Variants in TBC1D10A observed in about 807,000 individuals in gnomAD.
The protein encoded by TBC1D10A is EBP50-PDX interactor of 64 kDa.
A neutral mutation model predicts 52.9 loss-of-function variants in TBC1D10A; 24 were observed. The ratio of observed to expected loss-of-function variants is 0.45; its 90% CI spans 0.33 to 0.64. TBC1D10A has a LOEUF of 0.64. Among genes scored for constraint, TBC1D10A ranks in the 30% least tolerant of loss-of-function variants. The pLI is 0.02. For synonymous variants in TBC1D10A, 278 were observed against 282.9 expected, an observed-to-expected ratio of 0.98 and a Z score of 0.17; for missense variants, 602 against 687.9, an observed-to-expected ratio of 0.88 and a Z score of 1.40.
At chr22:30,313,636 C>T (rs1467484182) in intron 1 of TBC1D10A, among the ~76,000 whole-genome samples, 2 of 130,334 alleles carry the variant, frequency 1.5e-5, no homozygotes, top group African/African-American at 5.8e-5. Flanking sequence ...CTCCTGACCT[C>T]ATGATCCACC....
At position 30,313,550 on chromosome 22, in the gene TBC1D10A, A is replaced by ATTTTTTT. The variant is rs35640957; in HGVS notation, c.210-8927_210-8921dup. Reference sequence around the variant, plus strand: ...AGGTGTGCGCCACCACGGCCAGCTAATTTTTTTTTTTTTTTTTTTTTTTTT... The same window carrying ATTTTTTT: ...AGGTGTGCGCCACCACGGCCAGCTAATTTTTTTTTTTTTTTTTTTTTTTTTTTTTTTT... On this transcript the variant is annotated intron_variant, in intron 1 of 8. Coordinates refer to ENST00000215790, the MANE Select transcript of TBC1D10A (RefSeq NM_031937.3). Among the ~76,000 whole-genome samples, 81 of 42,208 alleles carry ATTTTTTT rather than the reference A, an allele frequency of 1.9e-3. 2 individuals carry two copies. Among genetic ancestry groups the ATTTTTTT allele is most frequent in the South Asian group, 9.3e-3 (6 of 642 alleles). 27.7% of individuals were successfully genotyped at this position (42,208 alleles called of 152,430 possible).
At chr22:30,322,770 AT>A (rs1164363095) in intron 1 of TBC1D10A, among the ~76,000 whole-genome samples, 2 of 149,430 alleles carry the variant, frequency 1.3e-5, no homozygotes, top group South Asian at 2.1e-4. Context: ...TAATTTTTGT[AT>A]TTTTTGTAGA....
At chr22:30,325,059 G>A (rs886114495) in intron 1 of TBC1D10A, among the ~76,000 whole-genome samples, 2 of 152,194 alleles carry the variant, frequency 1.3e-5, no homozygotes, top group African/African-American at 4.8e-5. Context: ...AATCCCAGGT[G>A]ACTGCTCCTC....
Position 30,293,782 on chromosome 22 carries a change from C to T in TBC1D10A, c.919G>A (p.Gly307Arg). ...AGCGCGTGCTTCAGCAGCACCAGCC[C>T]CACCCGGAAGATGATCTTGACCCCT... ...CEGVKIIFRV[G>R]LVLLKHALGS... The change falls in exon 8 of 9, where the codon GGG becomes AGG. Residue 307 changes from glycine (G) to arginine (R), a missense_variant. Physicochemically the swap from Gly to Arg is moderately radical, Grantham distance 125 (BLOSUM62 -2). Around this residue, in one of 3 missense-constraint regions of TBC1D10A, gnomAD observed 265 missense variants for 275.1 expected, o/e 0.96. Coordinates refer to ENST00000215790, the MANE Select transcript of TBC1D10A (RefSeq NM_031937.3). 6.2e-7 allele frequency: 1 copy of T among 1,612,040 alleles called. No homozygotes were observed. Among genetic ancestry groups the T allele is most frequent in the African/African-American group, 1.3e-5 (1 of 75,030 alleles).
At chr22:30,292,949 G>A (rs1929984155) in intron 8 of TBC1D10A, 98 bp from the exon 9 acceptor site, 1 of 1,373,934 alleles carries the variant, frequency 7.3e-7, no homozygotes. Flanking sequence ...GCATCCCCCA[G>A]CCTTGGCCAC....
rs533124373 is a variant in TBC1D10A, at chr22:30,325,168, GCTCT to G, written c.209+1501_209+1504del. Among the ~76,000 whole-genome samples, 83 of 152,352 alleles carry G rather than the reference GCTCT, an allele frequency of 5.4e-4. 2 individuals are homozygous for G. In the South Asian group the frequency reaches 8.5e-3, roughly 16 times the overall value. ...AGGGTGAGGGTTCAGAATGAGGGGT[GCTCT>G]CTCTGAGTCCTGGACTAAACCTAGC... On this transcript the variant is annotated intron_variant, in intron 1 of 8. Coordinates refer to ENST00000215790, the MANE Select transcript of TBC1D10A (RefSeq NM_031937.3).
At chr22:30,311,612 C>T (rs756425063) in intron 1 of TBC1D10A, among the ~76,000 whole-genome samples, 4 of 152,148 alleles carry the variant, frequency 2.6e-5, no homozygotes, top group Non-Finnish European at 5.9e-5. Flanking sequence ...GCCTTGGTGC[C>T]CTGGACCTCT....
At chr22:30,302,043 C>T (rs977665020) in intron 2 of TBC1D10A, among the ~76,000 whole-genome samples, 2 of 152,174 alleles carry the variant, frequency 1.3e-5, no homozygotes, top group African/African-American at 4.8e-5. Flanking sequence ...TCATCACAGC[C>T]CCCATCATAT....
At chr22:30,310,712 A>G (rs1487777749) in intron 1 of TBC1D10A, among the ~76,000 whole-genome samples, 1 of 152,246 alleles carries the variant, frequency 6.6e-6, no homozygotes, top group Non-Finnish European at 1.5e-5. Flanking sequence ...AGCTTTAATT[A>G]TCTCCATTTA....
At chr22:30,293,596 G>A in intron 8 of TBC1D10A, 55 bp downstream of exon 8, 4 of 1,567,630 alleles carry the variant, frequency 2.6e-6, no homozygotes, top group South Asian at 1.2e-5. Flanking sequence ...CCCCTTCAAA[G>A]GACCCCCACC....
chr22:30,320,797 C>A (rs1930635998), intron 1 of TBC1D10A, among the ~76,000 whole-genome samples: 1 of 152,190 alleles, frequency 6.6e-6, no homozygotes, highest in South Asian at 2.1e-4. Flanking sequence ...TCATTTAAAC[C>A]TCAGAATGAT....
chr22:30,305,690 A>G (rs1930297302), intron 1 of TBC1D10A: 1 of 152,304 alleles, frequency 6.6e-6, no homozygotes, highest in Non-Finnish European at 1.5e-5. Flanking sequence ...CCGGAAGGAA[A>G]TGTGCTACTG....
At chr22:30,326,554 GGGATTAGT>G in intron 1 of TBC1D10A, 111 bp downstream of exon 1, 2 of 972,528 alleles carry the variant, frequency 2.1e-6, no homozygotes, top group Non-Finnish European at 2.9e-6. Flanking sequence ...GGAGGGAACG[GGGATTAGT>G]GGTCCCTGCC....
intron 1 of TBC1D10A, among the ~76,000 whole-genome samples, chr22:30,313,747 A>G (rs1930478049): frequency 6.6e-6 from 1 of 150,934 alleles, no homozygotes; most frequent in South Asian, 2.1e-4. Flanking sequence ...GACCTCAGAC[A>G]CTCTGAATTT....
intron 2 of TBC1D10A, among the ~76,000 whole-genome samples, chr22:30,303,306 TAGACAGAC>T (rs3067181): frequency 4.9e-4 from 73 of 149,024 alleles, no homozygotes; most frequent in Non-Finnish European, 6.8e-4. Context: ...GATAGATAGA[TAGACAGAC>T]AGACAGACAG....
In TBC1D10A at chr22:30,293,639, C is replaced by G. The variant is rs749908467; in HGVS notation, c.1050+12G>C. The G allele has an allele frequency of 1.2e-6, 2 of 1,600,076 alleles. No individual in the cohort carries two copies. Among genetic ancestry groups the G allele is most frequent in the African/African-American group, 2.7e-5 (2 of 74,664 alleles). ...CTCCCTCCCCATGATAAGGGGCAGG[C>G]ATGGGCTGTACCTCCTGGACCAGAA... On this transcript the variant is annotated intron_variant, in intron 8 of 8. Transcript: ENST00000215790.
At chr22:30,326,343 G>A (rs1341891522) in intron 1 of TBC1D10A, among the ~76,000 whole-genome samples, 1 of 151,920 alleles carries the variant, frequency 6.6e-6, no homozygotes, top group Non-Finnish European at 1.5e-5. Flanking sequence ...AGGTCTTGGC[G>A]GCAGGGGTGG....
intron 1 of TBC1D10A, among the ~76,000 whole-genome samples, chr22:30,321,676 T>C (rs1930655014): frequency 6.6e-6 from 1 of 152,138 alleles, no homozygotes; most frequent in Non-Finnish European, 1.5e-5. Context: ...CTCACCTCAT[T>C]TGGCCTGCAG....
At chr22:30,305,095 C>T (rs1451886809) in intron 1 of TBC1D10A, among the ~76,000 whole-genome samples, 2 of 152,204 alleles carry the variant, frequency 1.3e-5, no homozygotes, top group African/African-American at 4.8e-5. Context: ...AGAGTTTCCC[C>T]AATTATGCCC....
Sources: allele counts gnomAD v4.1 joint callset (sites outside exome capture counted in the v4.1 genomes callset), GRCh38; gene constraint gnomAD v4.1.1; regional missense constraint gnomAD v4.1.1; transcripts MANE v1.5; gene names NCBI Gene and HGNC (gene_info 2026-07-23, HGNC 2026-07-21).